ULBP3: variants seen among roughly 807,000 people sequenced by gnomAD.
ULBP3 encodes UL16 binding protein 3.
In ULBP3, 25 loss-of-function variants were observed where a neutral mutation model predicts 24.9. That is an observed-to-expected ratio of 1.00 (90% CI 0.73 to 1.40). The LOEUF (loss-of-function observed/expected upper bound fraction) is 1.40, where lower values mean the gene tolerates loss of function less well. Among genes scored for constraint, ULBP3 ranks in the 40% most tolerant of loss-of-function variants. The probability of loss-of-function intolerance (pLI) is 0.00; values close to 1 mark genes in which losing one functional copy is unlikely to be tolerated. For missense variants in ULBP3, 306 were observed against 307.5 expected (o/e 1.00, Z 0.04); for synonymous variants, 114 against 114.7 (o/e 0.99, Z 0.04).
chr6:150,066,230 CA>C (rs774100571), intron 1 of ULBP3, 68 bp from the exon 2 acceptor site: 7 of 1,528,328 alleles, frequency 4.6e-6, no homozygotes, highest in Non-Finnish European at 6.2e-6. Context: ...ACTGTGACAG[CA>C]AGAGGGTTTC....
intron 3 of ULBP3, 38 bp from the exon 4 acceptor site, chr6:150,064,751 G>A (rs1339583705): frequency 6.3e-7 from 1 of 1,599,482 alleles, no homozygotes; most frequent in South Asian, 1.1e-5. Context: ...TCTTGTCCAC[G>A]CTCCAAATCT....
chr6:150,068,133 C>T (rs1776373901), intron 1 of ULBP3, among the ~76,000 whole-genome samples: 1 of 152,144 alleles, frequency 6.6e-6, no homozygotes, highest in Non-Finnish European at 1.5e-5. Context: ...CAGGACACCA[C>T]ATGGCTACAC....
intron 1 of ULBP3, among the ~76,000 whole-genome samples, chr6:150,066,882 G>A (rs191977807): frequency 6.6e-6 from 1 of 152,118 alleles, no homozygotes; most frequent in Admixed American, 6.6e-5. Flanking sequence ...CAGGGTCAGG[G>A]GTAGGAGATG....
In ULBP3 at chr6:150,061,945, A is replaced by C. The variant is rs1027125410; in HGVS notation, c.*1429T>G. Among the ~76,000 whole-genome samples, 14 of 152,132 alleles carry C rather than the reference A, an allele frequency of 9.2e-5. No individual in the cohort carries two copies. The highest frequency in any genetic ancestry group is 3.4e-4 in the African/African-American group (14 of 41,426). On this transcript the variant is annotated 3_prime_UTR_variant, in exon 5 of 5. Coordinates refer to ENST00000367339, the MANE Select transcript of ULBP3 (RefSeq NM_024518.3). ...TGTGACTGGTAAGAGATGGTAACTC[A>C]TTGCAGTTTTGATTTGCACTTATCT... is the stretch of plus-strand genomic sequence containing the variant.
chr6:150,065,775 C>T, intron 2 of ULBP3, 102 bp from the exon 3 acceptor site: 1 of 1,579,534 alleles, frequency 6.3e-7, no homozygotes, highest in Admixed American at 1.7e-5. Context: ...CTGTTGTCTC[C>T]TCCAAGTCCT....
chr6:150,066,121 G>T lies in ULBP3; in HGVS notation c.130C>A (p.Pro44Thr). ...LWYNFTIIHLPRHGQQWCEVQ... is the reference protein window; with the variant it reads ...LWYNFTIIHLTRHGQQWCEVQ... ...TCACACCACTGTTGCCCATGTCTGG[G>T]CAAATGAATGATGGTGAAGTTATAC... The change falls in exon 2 of 5, where the codon CCC (proline) becomes ACC (threonine). Residue 44 changes from proline (P) to threonine (T), a missense_variant. Coordinates refer to ENST00000367339, the MANE Select transcript of ULBP3 (RefSeq NM_024518.3). 1 of 1,614,098 alleles carries T rather than the reference G, an allele frequency of 6.2e-7. No homozygotes were observed. Among genetic ancestry groups the T allele is most frequent in the Non-Finnish European group, 8.5e-7 (1 of 1,180,028 alleles).
At chr6:150,065,270 C>T (rs1002315060) in intron 3 of ULBP3, 128 bp downstream of exon 3, 19 of 1,330,720 alleles carry the variant, frequency 1.4e-5, no homozygotes, top group South Asian at 4.1e-5. Context: ...CACACTCACA[C>T]TCACACATAC....
At chr6:150,068,936 A>T in intron 1 of ULBP3, 43 bp downstream of exon 1, 1 of 1,547,914 alleles carries the variant, frequency 6.5e-7, no homozygotes, top group Non-Finnish European at 8.8e-7. Context: ...ACAGCCCCCC[A>T]GGTTTGGCCC....
At chr6:150,063,448 C>T (rs1485036361) in intron 4 of ULBP3, 97 bp from the exon 5 acceptor site, 28 of 616,902 alleles carry the variant, frequency 4.5e-5, no homozygotes, top group Non-Finnish European at 5.7e-5. Context: ...TTCAGAGCTT[C>T]TCCCCCAGAT....
At chr6:150,067,737 C>A (rs958868347) in intron 1 of ULBP3, among the ~76,000 whole-genome samples, 3 of 152,178 alleles carry the variant, frequency 2.0e-5, no homozygotes, top group Admixed American at 2.0e-4. Context: ...GCCACTACAG[C>A]TATTTGACCC....
At position 150,061,110 on chromosome 6, in the gene ULBP3, T is replaced by C. The variant is rs116078101; in HGVS notation, c.*2264A>G. On this transcript the variant is annotated 3_prime_UTR_variant, in exon 5 of 5. Coordinates refer to ENST00000367339, the MANE Select transcript of ULBP3 (RefSeq NM_024518.3). ...TTGGCACTTTCACGTATAACTTTTATACAATTATCATCATATACAACTTAC... is the reference window on the plus strand; with the variant it reads ...TTGGCACTTTCACGTATAACTTTTACACAATTATCATCATATACAACTTAC... 2.6e-3 allele frequency among the ~76,000 whole-genome samples: 390 copies of C among 152,238 alleles called. 1 individual carries two copies. The highest frequency in any genetic ancestry group is 7.8e-3 in the African/African-American group (325 of 41,548).
rs1491512543 is a variant in ULBP3 at position 150,063,109 on chromosome 6, A to AAAAAAAAAAAAAC, written c.*264_*265insGTTTTTTTTTTTT. 2.1e-4 allele frequency: 2 copies of AAAAAAAAAAAAAC among 9,708 alleles called. 1 individual carries two copies. The highest frequency in any genetic ancestry group is 1.8e-3 in the African/African-American group (2 of 1,088). 0.6% of individuals were successfully genotyped at this position (9,708 alleles called of 1,614,324 possible). On this transcript the variant is annotated 3_prime_UTR_variant, in exon 5 of 5. Transcript: ENST00000367339. ...GGGCGACAGAGCGAGACTCCGTCTC[A>AAAAAAAAAAAAAC]AAAAAAAAAAAAAACAAAAAAAAAA...
In ULBP3 at chr6:150,061,086, T is replaced by C. The variant is rs942990161; in HGVS notation, c.*2288A>G. Among the ~76,000 whole-genome samples, 10 of 151,934 alleles carry C rather than the reference T, an allele frequency of 6.6e-5. No homozygotes were observed. The highest frequency in any genetic ancestry group is 1.5e-5 in the Non-Finnish European group (1 of 68,014). ...TTATGCAGTGTTTAATTTTAGGGTT[T>C]GGCACTTTCACGTATAACTTTTATA... On this transcript the variant is annotated 3_prime_UTR_variant, in exon 5 of 5. Transcript: ENST00000367339.
At chr6:150,063,399 G>A (rs1776300276) in intron 4 of ULBP3, 48 bp from the exon 5 acceptor site, 2 of 954,420 alleles carry the variant, frequency 2.1e-6, no homozygotes, top group Admixed American at 6.2e-5. Context: ...AAAAACCTGG[G>A]TCTGTTCTCC....
intron 1 of ULBP3, among the ~76,000 whole-genome samples, chr6:150,068,158 G>C (rs1208513445): frequency 3.3e-5 from 5 of 152,096 alleles, no homozygotes; most frequent in South Asian, 2.1e-4. Flanking sequence ...CCACCCTCAG[G>C]TCACACCTGA....
rs1000147474 is a variant in ULBP3, at chr6:150,062,654, G to A, written c.*720C>T. Among the ~76,000 whole-genome samples, 8 of 152,202 alleles carry A rather than the reference G, an allele frequency of 5.3e-5. No individual in the cohort carries two copies. The highest frequency in any genetic ancestry group is 7.3e-5 in the Non-Finnish European group (5 of 68,030). On this transcript the variant is annotated 3_prime_UTR_variant, in exon 5 of 5. Coordinates refer to ENST00000367339, the MANE Select transcript of ULBP3 (RefSeq NM_024518.3). Reference sequence around the variant, plus strand: ...TGCATGCTATTTTACTAGCAATACCGTTTCGAAGAATAAGGTCATGCTTCA... The same window carrying A: ...TGCATGCTATTTTACTAGCAATACCATTTCGAAGAATAAGGTCATGCTTCA...
At chr6:150,065,834 CCA>C (rs1776337938) in intron 2 of ULBP3, 63 bp downstream of exon 2, 1 of 1,596,316 alleles carries the variant, frequency 6.3e-7, no homozygotes. Context: ...TTTCTTCTCC[CCA>C]CACACAGAAC....
At chr6:150,067,076 G>C (rs1260284806) in intron 1 of ULBP3, among the ~76,000 whole-genome samples, 1 of 152,112 alleles carries the variant, frequency 6.6e-6, no homozygotes, top group Non-Finnish European at 1.5e-5. Flanking sequence ...TAGAACAAAA[G>C]GGTCCAAGAT....
chr6:150,067,865 C>T (rs1481324671), intron 1 of ULBP3, among the ~76,000 whole-genome samples: 2 of 152,216 alleles, frequency 1.3e-5, no homozygotes, highest in African/African-American at 4.8e-5. Context: ...CAAAGCTGTG[C>T]CACTCACAGC....
Sources: allele counts gnomAD v4.1 joint callset (sites outside exome capture counted in the v4.1 genomes callset), GRCh38; gene constraint gnomAD v4.1.1; transcripts MANE v1.5; gene names NCBI Gene and HGNC (gene_info 2026-07-23, HGNC 2026-07-21).